The following KREMEN1 variants were observed in gnomAD, a reference collection of about 807,000 sequenced individuals.
KREMEN1 encodes kremen protein 1.
KREMEN1 carries 30 observed loss-of-function variants against 46.5 expected under a neutral mutation model. The ratio of observed to expected loss-of-function variants is 0.65; its 90% CI spans 0.48 to 0.88. The LOEUF (loss-of-function observed/expected upper bound fraction) is 0.88. KREMEN1 is among the 40% of genes least tolerant of loss of function. The probability of loss-of-function intolerance (pLI) is 0.00; values close to 1 mark genes in which losing one functional copy is unlikely to be tolerated. For synonymous variants in KREMEN1, 214 were observed against 230.6 expected (o/e 0.93, Z 0.65); for missense variants, 533 against 596.9 (o/e 0.89, Z 1.11).
At chr22:29,147,652 G>C (rs1287112669), downstream of KREMEN1, among the ~76,000 whole-genome samples, 3 of 152,206 alleles carry the variant, frequency 2.0e-5, no homozygotes, top group Non-Finnish European at 4.4e-5. Context: ...CCTTGCATCT[G>C]GGAAAACAGA....
chr22:29,094,903 C>T (rs966226126), intron 2 of KREMEN1, among the ~76,000 whole-genome samples: 4 of 152,166 alleles, frequency 2.6e-5, no homozygotes, highest in African/African-American at 9.7e-5. Context: ...GGGTTACAGG[C>T]GTGAGCCACC....
exon 10 of KREMEN1, chr22:29,167,163 G>A: frequency 7.4e-7 from 1 of 1,347,998 alleles, no homozygotes; most frequent in Non-Finnish European, 1.0e-6. Flanking sequence ...AGAGGGCAGA[G>A]GGGACACCTT....
intron 1 of KREMEN1, among the ~76,000 whole-genome samples, chr22:29,077,840 T>G (rs951667724): frequency 6.6e-5 from 10 of 152,240 alleles, no homozygotes; most frequent in African/African-American, 2.2e-4. Context: ...TAACTAACTT[T>G]AAGATACATA....
intron 9 of KREMEN1, among the ~76,000 whole-genome samples, chr22:29,163,304 C>G (rs1400974696): frequency 6.6e-6 from 1 of 152,152 alleles, no homozygotes; most frequent in Non-Finnish European, 1.5e-5. Context: ...TGAGGCCTCC[C>G]CAGCAAATAA....
At chr22:29,132,164 G>A (rs118156219) in intron 5 of KREMEN1, among the ~76,000 whole-genome samples, 60 of 152,100 alleles carry the variant, frequency 3.9e-4, no homozygotes, top group Non-Finnish European at 7.1e-4. Flanking sequence ...GAGCCACCAC[G>A]ACCGGCCAGA....
At chr22:29,118,910 C>T (rs557491709) in intron 3 of KREMEN1, among the ~76,000 whole-genome samples, 10 of 152,258 alleles carry the variant, frequency 6.6e-5, no homozygotes, top group African/African-American at 1.9e-4. Flanking sequence ...CACAAGACTG[C>T]CCCCCACTTC....
chr22:29,105,489 A>G (rs1024941323), intron 3 of KREMEN1, among the ~76,000 whole-genome samples: 1 of 151,846 alleles, frequency 6.6e-6, no homozygotes, highest in African/African-American at 2.4e-5. Flanking sequence ...ACACACACAC[A>G]CACACACACA....
At chr22:29,088,330 C>CACACACACAT (rs2037759844) in intron 1 of KREMEN1, among the ~76,000 whole-genome samples, 1 of 151,542 alleles carries the variant, frequency 6.6e-6, no homozygotes, top group East Asian at 1.9e-4. Context: ...CACACACACA[C>CACACACACAT]GCACACACAT....
chr22:29,098,772 A>G (rs2055315519), intron 2 of KREMEN1, 90 bp from the exon 3 acceptor site: 1 of 966,670 alleles, frequency 1.0e-6, no homozygotes, highest in African/African-American at 1.6e-5. Flanking sequence ...TACAGAAGCT[A>G]AAGCATTTCC....
chr22:29,145,013 G>A lies in KREMEN1; in HGVS notation c.*2901G>A, dbSNP rs1395688576. 3.8e-5 allele frequency: 37 copies of A among 985,448 alleles called. No individual in the cohort carries two copies. The highest frequency in any genetic ancestry group is 4.3e-5 in the Non-Finnish European group (36 of 830,028). 61.0% of individuals were successfully genotyped at this position (985,448 alleles called of 1,614,324 possible). On this transcript the variant is annotated 3_prime_UTR_variant, in exon 9 of 9. Coordinates refer to ENST00000400335, the MANE Select transcript of KREMEN1 (RefSeq NM_001039570.3). The stretch of plus-strand genomic sequence containing the variant: ...AAACCCAAATCTGGCTCAGGACAGC[G>A]TACGGGCAGGAGGGCTGTAAATCAT...
downstream of KREMEN1, chr22:29,168,333 C>CA (rs60121498): frequency 0.091 from 7,220 of 79,056 alleles, 352 homozygotes; most frequent in African/African-American, 0.18. Flanking sequence ...GACCCTGTCT[C>CA]AAAAAAAAAA....
rs530575130 is a variant in KREMEN1, at chr22:29,073,045, C to G, written c.-86C>G. 1,742 of 236,788 alleles carry G rather than the reference C, an allele frequency of 7.4e-3. 27 individuals are homozygous for G. The highest frequency in any genetic ancestry group is 0.039 in the African/African-American group (1,649 of 42,482). The allele number at this position is 236,788 out of a possible 1,614,324, so 14.7% of individuals were successfully genotyped here. A position where few individuals can be genotyped will look rare whatever the true frequency, so the allele number is the denominator to read the frequency against. On this transcript the variant is annotated 5_prime_UTR_variant, in exon 1 of 9. Coordinates refer to ENST00000400335, the MANE Select transcript of KREMEN1 (RefSeq NM_001039570.3). This position sits in a 1 kb window ranked among gnomAD's most constrained non-coding sequence, Gnocchi z 4.4. ...CCGGGGCGGGGCTACACTCGGGCCCCGCGTCCTGCTCCCATGGCCGCCCCC... is the reference window on the plus strand; with the variant it reads ...CCGGGGCGGGGCTACACTCGGGCCCGGCGTCCTGCTCCCATGGCCGCCCCC...
chr22:29,144,020 C>G lies in KREMEN1; in HGVS notation c.*1908C>G. 1.0e-6 allele frequency: 1 copy of G among 985,548 alleles called. No homozygotes were observed. The highest frequency in any genetic ancestry group is 4.7e-5 in the South Asian group (1 of 21,288). The allele number at this position is 985,548 out of a possible 1,614,324, so 61.1% of individuals were successfully genotyped here. On this transcript the variant is annotated 3_prime_UTR_variant, in exon 9 of 9. Transcript: ENST00000400335. ...AAGTGCCATCACTAATTTAAAAGTC[C>G]TTGCCATCTGGAATCAGGCTTTGTC...
In KREMEN1 at chr22:29,133,664, G is replaced by GT. The variant is rs536861175; in HGVS notation, c.632-3670dup. 9.1e-3 allele frequency among the ~76,000 whole-genome samples: 1,380 copies of GT among 150,944 alleles called. 15 individuals are homozygous for GT. Among genetic ancestry groups the GT allele is most frequent in the African/African-American group, 0.032 (1,304 of 41,130 alleles). ...CTTCTTTGTCTGTTTTTTTTTGTTTGTTTTTTTTGCTTTTGTTTTTGTTTT... is the reference window on the plus strand; with the variant it reads ...CTTCTTTGTCTGTTTTTTTTTGTTTGTTTTTTTTTGCTTTTGTTTTTGTTTT... On this transcript the variant is annotated intron_variant, in intron 5 of 8. Coordinates refer to ENST00000400335, the MANE Select transcript of KREMEN1 (RefSeq NM_001039570.3).
intron 7 of KREMEN1, among the ~76,000 whole-genome samples, chr22:29,139,157 A>T (rs914983021): frequency 6.6e-6 from 1 of 152,234 alleles, no homozygotes; most frequent in Non-Finnish European, 1.5e-5. Context: ...CATTCAAAAG[A>T]TATATAAGTG....
At chr22:29,158,439 A>G (rs1274054194) in intron 9 of KREMEN1, among the ~76,000 whole-genome samples, 2 of 152,176 alleles carry the variant, frequency 1.3e-5, no homozygotes, top group East Asian at 1.9e-4. Flanking sequence ...AGGCGCCGAC[A>G]TGGGGCACGG....
Position 29,143,496 on chromosome 22 carries a change from A to G in KREMEN1, c.*1384A>G, listed in dbSNP as rs576322076. On this transcript the variant is annotated 3_prime_UTR_variant, in exon 9 of 9. Coordinates refer to ENST00000400335, the MANE Select transcript of KREMEN1 (RefSeq NM_001039570.3). ...GGTGGCTCATGCCTGTAATCCCAGC[A>G]CTTTGGGAGGCTGAGGCGGGTGGAT... 1.2e-4 allele frequency: 118 copies of G among 974,032 alleles called. No homozygotes were observed. The African/African-American group carries it at 2.0e-3, about 16-fold the overall frequency. 60.3% of individuals were successfully genotyped at this position (974,032 alleles called of 1,614,324 possible). A position where few individuals can be genotyped will look rare whatever the true frequency, so the allele number is the denominator to read the frequency against.
chr22:29,143,272 G>C lies in KREMEN1; in HGVS notation c.*1160G>C. On this transcript the variant is annotated 3_prime_UTR_variant, in exon 9 of 9. Coordinates refer to ENST00000400335, the MANE Select transcript of KREMEN1 (RefSeq NM_001039570.3). ...GATTGGCTTTATCAGCCTTGCCACTGAGCAGCTCATGGTCCTATGGAACCT... is the reference window on the plus strand; with the variant it reads ...GATTGGCTTTATCAGCCTTGCCACTCAGCAGCTCATGGTCCTATGGAACCT... 1 of 985,440 alleles carries C rather than the reference G, an allele frequency of 1.0e-6. No individual in the cohort carries two copies. The highest frequency in any genetic ancestry group is 1.7e-5 in the African/African-American group (1 of 57,362). 61.0% of individuals were successfully genotyped at this position (985,440 alleles called of 1,614,324 possible). A position where few individuals can be genotyped will look rare whatever the true frequency, so the allele number is the denominator to read the frequency against.
intron 4 of KREMEN1, among the ~76,000 whole-genome samples, chr22:29,122,972 AC>A: frequency 6.8e-6 from 1 of 148,098 alleles, no homozygotes; most frequent in African/African-American, 2.5e-5. Flanking sequence ...AAAAAGACAT[AC>A]TGTTATATAC....
Sources: gnomAD v4.1 joint callset for allele counts (sites outside exome capture counted in the v4.1 genomes callset) on GRCh38, gnomAD v4.1.1 for gene constraint, Gnocchi (gnomAD v3.1) non-coding constraint, MANE v1.5 for transcripts, NCBI Gene and HGNC (gene_info 2026-07-23, HGNC 2026-07-21) for gene names.